The following HGS variants were observed in gnomAD, a reference collection of about 807,000 sequenced individuals.
HGS encodes hepatocyte growth factor-regulated tyrosine kinase substrate.
A neutral mutation model predicts 109.7 loss-of-function variants in HGS; 63 were observed. The observed-to-expected ratio is 0.57, with a 90% CI of 0.47 to 0.71. The LOEUF is 0.71. Among genes scored for constraint, HGS ranks in the 30% least tolerant of loss-of-function variants. The probability of loss-of-function intolerance (pLI) is 0.00; values close to 1 mark genes in which losing one functional copy is unlikely to be tolerated. For synonymous variants in HGS, 546 were observed against 437.3 expected (o/e 1.25, Z -3.10); for missense variants, 995 against 1,068.3 (o/e 0.93, Z 0.96).
In HGS at chr17:81,693,562, CCCT is replaced by C. The variant is rs763425225; in HGVS notation, c.723_725del (p.Leu242del). On this transcript the variant is annotated inframe_deletion, in exon 9 of 22. Transcript: ENST00000329138. ...CTGCCCCCCGAGTACCTGACCAGCC[CCCT>C]GTCTCAGCAGTCCCAGGTACTCAGC... 1.8e-5 allele frequency: 29 copies of C among 1,612,196 alleles called. No individual in the cohort carries two copies. The East Asian group carries it at 5.6e-4, about 31-fold the overall frequency.
chr17:81,695,719 C>G (rs35646762), intron 14 of HGS, 67 bp from the exon 15 acceptor site: 1 of 1,477,206 alleles, frequency 6.8e-7, no homozygotes. Flanking sequence ...TGCCTCCATC[C>G]CAGGCCCCAC....
chr17:81,685,132 A>G (rs1380623678), intron 1 of HGS: 1 of 933,278 alleles, frequency 1.1e-6, no homozygotes, highest in Non-Finnish European at 1.3e-6. Context: ...CTTGGCTTGG[A>G]GCAAGGGGCC....
At chr17:81,697,158 C>A in intron 18 of HGS, 160 bp downstream of exon 18, 1 of 772,928 alleles carries the variant, frequency 1.3e-6, no homozygotes, top group Non-Finnish European at 2.0e-6. Flanking sequence ...CGCACTCACA[C>A]AGGCTTTCCT....
chr17:81,697,348 T>TGC (rs1723167980), intron 18 of HGS: 1 of 125,946 alleles, frequency 7.9e-6, no homozygotes, highest in African/African-American at 4.2e-5. Flanking sequence ...GCGTGGCATT[T>TGC]GCCCCCCCCC....
chr17:81,701,320 C>T (rs1006413543), intron 21 of HGS, 188 bp from the exon 22 acceptor site: 4 of 805,480 alleles, frequency 5.0e-6, no homozygotes, highest in Non-Finnish European at 7.8e-6. Flanking sequence ...CGCGCATCCG[C>T]AAGTGTAGAC....
intron 11 of HGS, among the ~76,000 whole-genome samples, 155 bp downstream of exon 11, chr17:81,694,120 C>T: frequency 6.6e-6 from 1 of 152,202 alleles, no homozygotes; most frequent in East Asian, 1.9e-4. Flanking sequence ...GACATCAGGG[C>T]AGAGCCCCAC....
chr17:81,690,535 A>T (rs2037047556), intron 6 of HGS, 139 bp from the exon 7 acceptor site: 2 of 802,462 alleles, frequency 2.5e-6, no homozygotes, highest in African/African-American at 3.5e-5. Flanking sequence ...CGCCGCTGGG[A>T]AGGGCCGCCC....
chr17:81,696,887 A>G lies in HGS; in HGVS notation c.1771A>G (p.Ser591Gly). The G allele has an allele frequency of 1.9e-6, 3 of 1,610,504 alleles. No individual in the cohort carries two copies. The highest frequency in any genetic ancestry group is 2.5e-6 in the Non-Finnish European group (3 of 1,179,782). The part of the protein sequence containing the change: ...YQPSGPASFP[S>G]TFSPAGSVEG... ...GCCCTCGGGACCAGCCAGCTTCCCC[A>G]GCACCTTCAGCCCTGCCGGCTCGGT... The change falls in exon 18 of 22, where the codon AGC becomes GGC. Residue 591 changes from serine (S) to glycine (G), a missense_variant. Around this residue, in one of 6 missense-constraint regions of HGS, gnomAD observed 326 missense variants for 309.7 expected, o/e 1.05. Coordinates refer to ENST00000329138, the MANE Select transcript of HGS (RefSeq NM_004712.5).
At position 81,688,462 on chromosome 17, in the gene HGS, G is replaced by A. The variant is rs961194759; in HGVS notation, c.292-242G>A. The stretch of plus-strand genomic sequence containing the variant: ...CCCGTGGGGAAAGGGAGAGACAGAT[G>A]GTCAGGGGCACAGAGACGCGGCGTT... On this transcript the variant is annotated intron_variant, in intron 4 of 21. Coordinates refer to ENST00000329138, the MANE Select transcript of HGS (RefSeq NM_004712.5). 5.9e-5 allele frequency among the ~76,000 whole-genome samples: 9 copies of A among 152,360 alleles called. No homozygotes were observed. The East Asian group carries it at 1.2e-3, about 20-fold the overall frequency.
intron 18 of HGS, among the ~76,000 whole-genome samples, chr17:81,700,201 TTA>T (rs2037213494): frequency 1.3e-5 from 2 of 148,868 alleles, no homozygotes; most frequent in Admixed American, 6.7e-5. Context: ...CCCATCTTTA[TTA>T]AAAGTACAAA....
At chr17:81,687,279 A>G (rs540081826) in intron 4 of HGS, among the ~76,000 whole-genome samples, 184 bp downstream of exon 4, 4 of 152,314 alleles carry the variant, frequency 2.6e-5, no homozygotes, top group Non-Finnish European at 2.9e-5. Flanking sequence ...GTGAGCCCCA[A>G]TCCAGGGAGG....
At position 81,685,689 on chromosome 17, in the gene HGS, A is replaced by G; in HGVS notation, c.122A>G (p.Gln41Arg). 1.2e-6 allele frequency: 2 copies of G among 1,610,914 alleles called. No homozygotes were observed. The highest frequency in any genetic ancestry group is 1.7e-6 in the Non-Finnish European group (2 of 1,178,500). ...GACCTGATCCGCCAAGGGGACACACAGTGAGTTAGCGGGGCCTGTGCCCTG... is the reference window on the plus strand; with the variant it reads ...GACCTGATCCGCCAAGGGGACACACGGTGAGTTAGCGGGGCCTGTGCCCTG... ...ICDLIRQGDT[Q>R]AKYAVNSIKK... Residue 41 changes from glutamine (Q) to arginine (R), a missense_variant and splice_region_variant, in exon 2 of 22, where the codon CAA becomes CGA. By Grantham distance (43) the Gln-to-Arg change is conservative (BLOSUM62 1). Around this residue, in one of 6 missense-constraint regions of HGS, gnomAD observed 182 missense variants for 261.3 expected, o/e 0.70. Coordinates refer to ENST00000329138, the MANE Select transcript of HGS (RefSeq NM_004712.5).
At position 81,691,728 on chromosome 17, in the gene HGS, C is replaced by G; in HGVS notation, c.662+157C>G. On this transcript the variant is annotated intron_variant, in intron 8 of 21. Transcript: ENST00000329138. This position sits in a 1 kb window ranked among gnomAD's most constrained non-coding sequence, Gnocchi z 5.3. ...AAGGGAAACCCAGGGTGGCCGCATG[C>G]CCTCGGACCCTGCCCCACACTAGGG... 2.3e-6 allele frequency: 2 copies of G among 873,314 alleles called. No individual in the cohort carries two copies. Among genetic ancestry groups the G allele is most frequent in the Non-Finnish European group, 1.7e-6 (1 of 571,990 alleles). 54.1% of individuals were successfully genotyped at this position (873,314 alleles called of 1,614,324 possible).
At chr17:81,700,640 C>G in intron 19 of HGS, 40 bp downstream of exon 19, 2 of 1,537,826 alleles carry the variant, frequency 1.3e-6, no homozygotes, top group South Asian at 2.3e-5. Flanking sequence ...AGGGCCAGCC[C>G]CAGCCCCAGC....
At chr17:81,684,830 C>T (rs1216091862) in intron 1 of HGS, 10 of 894,718 alleles carry the variant, frequency 1.1e-5, no homozygotes, top group African/African-American at 1.8e-5. Flanking sequence ...AAGGAGACTT[C>T]AAGTGAGACA....
chr17:81,688,595 T>C, intron 4 of HGS, 109 bp from the exon 5 acceptor site: 8 of 1,392,672 alleles, frequency 5.7e-6, no homozygotes, highest in South Asian at 1.3e-5. Flanking sequence ...CTGGCCTCTG[T>C]GTCAGCCCCA....
At position 81,684,839 on chromosome 17, in the gene HGS, C is replaced by T. The variant is rs923233162; in HGVS notation, c.37+736C>T. 11 of 929,926 alleles carry T rather than the reference C, an allele frequency of 1.2e-5. No homozygotes were observed. The South Asian group carries it at 5.0e-4, about 42-fold the overall frequency. The allele number at this position is 929,926 out of a possible 1,614,324, so 57.6% of individuals were successfully genotyped here. On this transcript the variant is annotated intron_variant, in intron 1 of 21. Transcript: ENST00000329138. The stretch of plus-strand genomic sequence containing the variant: ...GTTTTCAAGGAGACTTCAAGTGAGA[C>T]ACCTTCCTTGCCAAGGGAACCAGCA...
In HGS at chr17:81,687,005, C is replaced by T. The variant is rs113287472; in HGVS notation, c.201C>T (p.Val67=). 1.6e-5 allele frequency: 26 copies of T among 1,612,668 alleles called. No homozygotes were observed. In the African/African-American group the frequency reaches 1.9e-4, roughly 12 times the overall value. The change falls in exon 4 of 22, where the codon GTC becomes GTT. Residue 67 remains valine (V), a splice_region_variant and synonymous_variant. Coordinates refer to ENST00000329138, the MANE Select transcript of HGS (RefSeq NM_004712.5). ...CTTCCCTTCCTGGGCATCTGCAGGT[C>T]ATGGAATCTGTGGTAAAGAACTGTG... ...NPHVALYALE[V]MESVVKNCGQ...
rs1397296442 is a variant in HGS at position 81,686,417 on chromosome 17, C to T, written c.198+30C>T. 1.9e-6 allele frequency: 3 copies of T among 1,554,012 alleles called. No homozygotes were observed. In the South Asian group the frequency reaches 3.3e-5, roughly 17 times the overall value. On this transcript the variant is annotated intron_variant, in intron 3 of 21. Transcript: ENST00000329138. ...GCAGACCCCCGTGCCTCAGTGGCCC[C>T]CAGGGTCCCTACCCCCTACTAGTCA...
Sources: allele counts gnomAD v4.1 joint callset (sites outside exome capture counted in the v4.1 genomes callset), GRCh38; gene constraint gnomAD v4.1.1; regional missense constraint gnomAD v4.1.1; non-coding constraint Gnocchi (gnomAD v3.1); transcripts MANE v1.5; gene names NCBI Gene and HGNC (gene_info 2026-07-23, HGNC 2026-07-21).